CD84: variants seen among roughly 807,000 people sequenced by gnomAD.
CD84 encodes the protein SLAM family member 5.
Under a neutral mutation model 33.8 loss-of-function variants are expected in CD84, and 22 were observed. The observed-to-expected ratio is 0.65, with a 90% CI of 0.46 to 0.93. The LOEUF is 0.93. Ranked by LOEUF, CD84 falls within the 40% of genes least tolerant of loss-of-function variation. The probability of loss-of-function intolerance (pLI) is 0.00; values close to 1 mark genes in which losing one functional copy is unlikely to be tolerated. For synonymous variants in CD84, 154 were observed against 145.2 expected, an observed-to-expected ratio of 1.06 and a Z score of -0.44; for missense variants, 400 against 397.6, an observed-to-expected ratio of 1.01 and a Z score of -0.05.
intron 1 of CD84, among the ~76,000 whole-genome samples, chr1:160,569,853 A>C (rs1657580581): frequency 6.6e-6 from 1 of 152,202 alleles, no homozygotes; most frequent in Non-Finnish European, 1.5e-5. Flanking sequence ...CAGAGTGGGG[A>C]GAGGTACAGC....
chr1:160,549,058 G>T (rs1008246583), intron 6 of CD84, among the ~76,000 whole-genome samples: 3 of 151,512 alleles, frequency 2.0e-5, no homozygotes, highest in African/African-American at 7.3e-5. Flanking sequence ...TCCCTCTCCT[G>T]ATCACTAAGA....
chr1:160,574,292 C>A (rs1169652566), intron 1 of CD84, among the ~76,000 whole-genome samples: 1 of 152,044 alleles, frequency 6.6e-6, no homozygotes, highest in African/African-American at 2.4e-5. Flanking sequence ...TAACAAGAAT[C>A]AGATGGCTAA....
rs1449045140 is a variant in CD84, at chr1:160,541,314, C to T, written c.*6942G>A. ...GTTAGTGGCATTTGCCACTAGTGAGCATAATTTCCATGTTCAAATGAATAA... is the reference window on the plus strand; with the variant it reads ...GTTAGTGGCATTTGCCACTAGTGAGTATAATTTCCATGTTCAAATGAATAA... On this transcript the variant is annotated 3_prime_UTR_variant, in exon 7 of 7. Transcript: ENST00000368054. 6.6e-6 allele frequency: 1 copy of T among 152,156 alleles called. No individual in the cohort carries two copies. Among genetic ancestry groups the T allele is most frequent in the East Asian group, 1.9e-4 (1 of 5,202 alleles). The allele number at this position is 152,156 out of a possible 1,614,324, so 9.4% of individuals were successfully genotyped here.
rs1386332860 is a variant in CD84, at chr1:160,547,440, G to C, written c.*816C>G. On this transcript the variant is annotated 3_prime_UTR_variant, in exon 7 of 7. Transcript: ENST00000368054. ...CTTGGCCAGAAAGAAAATCCTATAAGGCTTCTGAAGTAGCACTCCAAGAAA... is the reference window on the plus strand; with the variant it reads ...CTTGGCCAGAAAGAAAATCCTATAACGCTTCTGAAGTAGCACTCCAAGAAA... 5.5e-6 allele frequency: 2 copies of C among 363,582 alleles called. No individual in the cohort carries two copies. The highest frequency in any genetic ancestry group is 4.2e-5 in the African/African-American group (2 of 47,912). The allele number at this position is 363,582 out of a possible 1,614,324, so 22.5% of individuals were successfully genotyped here.
chr1:160,548,295 A>C lies in CD84; in HGVS notation c.948T>G (p.Ser316Arg). ...DKMGKASTQD[S>R]KPPGTSSYEI... ...CATAGCTTGAAGTCCCAGGAGGTTT[A>C]CTGTCCTGTGTGCTGGCTTTCCCCA... The change falls in exon 7 of 7, where the codon AGT (serine) becomes AGG (arginine). Residue 316 changes from serine to arginine, a missense_variant. By Grantham distance (110) the Ser-to-Arg change is moderately radical. Coordinates refer to ENST00000368054, the MANE Select transcript of CD84 (RefSeq NM_003874.4). The C allele has an allele frequency of 1.2e-6, 2 of 1,614,210 alleles. No homozygotes were observed. Among genetic ancestry groups the C allele is most frequent in the East Asian group, 2.2e-5 (1 of 44,892 alleles).
Position 160,547,628 on chromosome 1 carries a change from CCAGA to C in CD84, c.*624_*627del, listed in dbSNP as rs1235041539. On this transcript the variant is annotated 3_prime_UTR_variant, in exon 7 of 7. Coordinates refer to ENST00000368054, the MANE Select transcript of CD84 (RefSeq NM_003874.4). Reference sequence around the variant, plus strand: ...CCTGTTATGCCCTGCACAAAGATTCCCAGACAAAGGGATGAGTGTGCTTATATGC... The same window carrying C: ...CCTGTTATGCCCTGCACAAAGATTCCCAAAGGGATGAGTGTGCTTATATGC... 1 of 160,806 alleles carries C rather than the reference CCAGA, an allele frequency of 6.2e-6. No individual in the cohort carries two copies. The highest frequency in any genetic ancestry group is 2.4e-5 in the African/African-American group (1 of 41,770). 10.0% of individuals were successfully genotyped at this position (160,806 alleles called of 1,614,324 possible). A position where few individuals can be genotyped will look rare whatever the true frequency, so the allele number is the denominator to read the frequency against.
At chr1:160,556,473 A>T (rs1656615500) in intron 2 of CD84, among the ~76,000 whole-genome samples, 1 of 149,392 alleles carries the variant, frequency 6.7e-6, no homozygotes, top group Admixed American at 6.7e-5. Flanking sequence ...CTATTTACTT[A>T]TCTATCATCT....
chr1:160,565,476 C>G lies in CD84; in HGVS notation c.316G>C (p.Asp106His). 6.2e-7 allele frequency: 1 copy of G among 1,613,860 alleles called. No individual in the cohort carries two copies. Among genetic ancestry groups the G allele is most frequent in the Non-Finnish European group, 8.5e-7 (1 of 1,179,844 alleles). Residue 106 changes from aspartate (D) to histidine (H), a missense_variant, in exon 2 of 7, where the codon GAC becomes CAC. By Grantham distance (81) the Asp-to-His change is moderately conservative. Coordinates refer to ENST00000368054, the MANE Select transcript of CD84 (RefSeq NM_003874.4). ...ISDLRMEDAG[D>H]YKADINTQAD... The stretch of plus-strand genomic sequence containing the variant: ...TGTGTATTTATGTCTGCTTTGTAGT[C>G]TCCTGCGTCTTCCATCCTCAGATCG...
intron 1 of CD84, among the ~76,000 whole-genome samples, chr1:160,566,603 C>T (rs1217337778): frequency 3.3e-5 from 5 of 152,160 alleles, no homozygotes; most frequent in South Asian, 2.1e-4. Context: ...GAGGATACAA[C>T]GGCGAGAAGA....
At chr1:160,550,882 G>T in intron 5 of CD84, 56 bp downstream of exon 5, 1 of 1,609,130 alleles carries the variant, frequency 6.2e-7, no homozygotes, top group South Asian at 1.1e-5. Flanking sequence ...GGCTGCCCAT[G>T]ACTCCCTGTC....
chr1:160,578,858 G>T (rs1658130001), intron 1 of CD84, among the ~76,000 whole-genome samples: 1 of 152,126 alleles, frequency 6.6e-6, no homozygotes, highest in Admixed American at 6.6e-5. Context: ...TTTAGAGTTT[G>T]TTGAGGATAA....
At chr1:160,561,751 T>C (rs1656985740) in intron 2 of CD84, among the ~76,000 whole-genome samples, 1 of 152,174 alleles carries the variant, frequency 6.6e-6, no homozygotes, top group African/African-American at 2.4e-5. Context: ...CATGATCCTA[T>C]ATCTAGAAAA....
intron 5 of CD84, chr1:160,550,617 C>T: frequency 1.0e-6 from 1 of 985,364 alleles, no homozygotes; most frequent in Non-Finnish European, 1.2e-6. Context: ...TCACCTCACT[C>T]CAGTAGCTCC....
At chr1:160,571,318 G>A (rs1657677079) in intron 1 of CD84, 1 of 151,962 alleles carries the variant, frequency 6.6e-6, no homozygotes, top group Admixed American at 6.6e-5. Flanking sequence ...AGAAACAGAA[G>A]AGACCAAGCA....
At chr1:160,555,018 G>A (rs1291592266) in intron 2 of CD84, among the ~76,000 whole-genome samples, 2 of 149,848 alleles carry the variant, frequency 1.3e-5, no homozygotes, top group Non-Finnish European at 3.0e-5. Flanking sequence ...ATATATATAT[G>A]AATACACACA....
At chr1:160,579,033 A>G (rs908212635) in intron 1 of CD84, among the ~76,000 whole-genome samples, 1 of 152,166 alleles carries the variant, frequency 6.6e-6, no homozygotes, top group Non-Finnish European at 1.5e-5. Flanking sequence ...GAATGCCAAG[A>G]AGAAATTGCT....
chr1:160,557,699 T>A (rs1240776439), intron 2 of CD84, among the ~76,000 whole-genome samples: 1 of 152,244 alleles, frequency 6.6e-6, no homozygotes, highest in Non-Finnish European at 1.5e-5. Context: ...ATATTACTTT[T>A]AAATTATGCA....
chr1:160,564,980 T>A (rs1657226136), intron 2 of CD84, among the ~76,000 whole-genome samples: 1 of 152,228 alleles, frequency 6.6e-6, no homozygotes, highest in Non-Finnish European at 1.5e-5. Context: ...GTGCTATAGT[T>A]ATGCAAGGTG....
chr1:160,567,248 C>A (rs7551113), intron 1 of CD84, among the ~76,000 whole-genome samples: 7,580 of 152,152 alleles, frequency 0.05, 642 homozygotes, highest in African/African-American at 0.17. Flanking sequence ...TATACACGTC[C>A]CTTGAAAGTG....
Sources: allele counts gnomAD v4.1 joint callset (sites outside exome capture counted in the v4.1 genomes callset), GRCh38; gene constraint gnomAD v4.1.1; transcripts MANE v1.5; gene names NCBI Gene and HGNC (gene_info 2026-07-23, HGNC 2026-07-21).